KCNIP4: variants seen among roughly 807,000 people sequenced by gnomAD.
KCNIP4 encodes potassium voltage-gated channel interacting protein 4, also known as Kv channel-interacting protein 4.
Under a neutral mutation model 34.0 loss-of-function variants are expected in KCNIP4, and 12 were observed. The ratio of observed to expected loss-of-function variants is 0.35; its 90% CI spans 0.23 to 0.57. KCNIP4 has a LOEUF of 0.57. KCNIP4 is among the 20% of genes least tolerant of loss of function. The pLI is 0.83. For synonymous variants in KCNIP4, 124 were observed against 102.2 expected, an observed-to-expected ratio of 1.21 and a Z score of -1.29; for missense variants, 238 against 311.7, an observed-to-expected ratio of 0.76 and a Z score of 1.78.
intron 1 of KCNIP4, among the ~76,000 whole-genome samples, chr4:21,574,373 A>G (rs549602948): frequency 1.3e-5 from 2 of 152,040 alleles, no homozygotes; most frequent in African/African-American, 4.8e-5. Flanking sequence ...TAGAGATCAA[A>G]GAGAGTGTTC....
At chr4:21,556,930 A>AAAAAAAAAAAAAAAAAACAAAAAAAAAC (rs1553903108) in intron 1 of KCNIP4, among the ~76,000 whole-genome samples, 4 of 108,256 alleles carry the variant, frequency 3.7e-5, no homozygotes, top group Admixed American at 9.3e-5. Context: ...CAGAAAAAAA[A>AAAAAAAAAAAAAAAAAACAAAAAAAAAC]AAAAAAAAAA....
At chr4:21,516,636 G>A (rs150418539) in intron 1 of KCNIP4, among the ~76,000 whole-genome samples, 4 of 152,292 alleles carry the variant, frequency 2.6e-5, no homozygotes, top group Admixed American at 1.3e-4. Flanking sequence ...CCCTCAGCAC[G>A]AGTCAGAAAA....
rs1169691861 is a variant in KCNIP4 at position 20,904,327 on chromosome 4, G to GTA, written c.62-21619_62-21618insTA. Among the ~76,000 whole-genome samples, 15 of 125,068 alleles carry GTA rather than the reference G, an allele frequency of 1.2e-4. No individual in the cohort carries two copies. In the East Asian group the frequency reaches 2.5e-3, roughly 21 times the overall value. The allele number at this position is 125,068 out of a possible 152,430, so 82.0% of individuals were successfully genotyped here. On this transcript the variant is annotated intron_variant, in intron 1 of 8. Coordinates refer to ENST00000382152, the MANE Select transcript of KCNIP4 (RefSeq NM_025221.6). The stretch of plus-strand genomic sequence containing the variant: ...TAAAACTATATATATGTATGTGTGT[G>GTA]TGTGTATATATATATATATATACAG...
At chr4:21,314,966 C>T (rs1713573807) in intron 1 of KCNIP4, among the ~76,000 whole-genome samples, 1 of 152,074 alleles carries the variant, frequency 6.6e-6, no homozygotes, top group Non-Finnish European at 1.5e-5. Flanking sequence ...GCTATGTTTC[C>T]ACTACAGTTA....
intron 1 of KCNIP4, among the ~76,000 whole-genome samples, chr4:21,126,405 C>T (rs1252957710): frequency 4.6e-5 from 7 of 152,026 alleles, no homozygotes; most frequent in Admixed American, 6.5e-5. Flanking sequence ...GTAGTGAGAG[C>T]GACTACAAAT....
At chr4:21,885,035 T>G (rs778683787) in intron 1 of KCNIP4, among the ~76,000 whole-genome samples, 15 of 152,114 alleles carry the variant, frequency 9.9e-5, no homozygotes, top group Non-Finnish European at 1.5e-4. Context: ...TTTAATCCAT[T>G]TACTTCCTTA....
intron 1 of KCNIP4, among the ~76,000 whole-genome samples, chr4:21,209,194 G>A (rs1757057791): frequency 6.6e-6 from 1 of 152,086 alleles, no homozygotes; most frequent in Admixed American, 6.6e-5. Context: ...TACACACCAT[G>A]TATAGTGATC....
intron 1 of KCNIP4, among the ~76,000 whole-genome samples, chr4:21,538,382 G>A (rs111429175): frequency 1.3e-5 from 2 of 152,138 alleles, no homozygotes; most frequent in African/African-American, 2.4e-5. Flanking sequence ...TATGCTCAGC[G>A]TTGAGAATAT....
At chr4:21,095,379 A>T (rs1258904165) in intron 1 of KCNIP4, among the ~76,000 whole-genome samples, 2 of 152,120 alleles carry the variant, frequency 1.3e-5, no homozygotes, top group African/African-American at 2.4e-5. Flanking sequence ...CCTTCTGGAG[A>T]TTCATAAAAC....
At chr4:21,359,776 T>A (rs1719025480) in intron 1 of KCNIP4, among the ~76,000 whole-genome samples, 1 of 152,094 alleles carries the variant, frequency 6.6e-6, no homozygotes, top group African/African-American at 2.4e-5. Context: ...GAAATAGTGT[T>A]CTTGGCAATC....
chr4:21,144,069 T>G (rs1168529498), intron 1 of KCNIP4, among the ~76,000 whole-genome samples: 1 of 152,198 alleles, frequency 6.6e-6, no homozygotes, highest in Admixed American at 6.5e-5. Context: ...TGTACAGCTC[T>G]GTAAGTTGTA....
intron 1 of KCNIP4, among the ~76,000 whole-genome samples, chr4:21,149,115 G>T (rs1752587430): frequency 6.6e-6 from 1 of 152,132 alleles, no homozygotes; most frequent in Non-Finnish European, 1.5e-5. Flanking sequence ...GCAGAAAAAG[G>T]CTAAGAAGAT....
intron 1 of KCNIP4, among the ~76,000 whole-genome samples, chr4:21,808,770 A>C (rs1721451363): frequency 6.6e-6 from 1 of 152,140 alleles, no homozygotes; most frequent in African/African-American, 2.4e-5. Context: ...TCTTTCATGA[A>C]CATGATTCCA....
intron 1 of KCNIP4, among the ~76,000 whole-genome samples, chr4:21,571,764 C>A (rs759720699): frequency 6.6e-6 from 1 of 152,138 alleles, no homozygotes; most frequent in Non-Finnish European, 1.5e-5. Context: ...AGCTTGCAAA[C>A]TCTGATAAAT....
chr4:21,823,510 A>C (rs1316722020), intron 1 of KCNIP4, among the ~76,000 whole-genome samples: 1 of 104,544 alleles, frequency 9.6e-6, no homozygotes, highest in African/African-American at 5.5e-5. Context: ...TTCTGTCTTA[A>C]AAAAAAAAAC....
chr4:21,084,521 G>A (rs976978941), intron 1 of KCNIP4, among the ~76,000 whole-genome samples: 1 of 148,448 alleles, frequency 6.7e-6, no homozygotes, highest in African/African-American at 2.5e-5. Flanking sequence ...GTGCTTCTCA[G>A]TGTGTATCCT....
At chr4:21,643,505 A>T (rs1015741977) in intron 1 of KCNIP4, among the ~76,000 whole-genome samples, 1 of 152,204 alleles carries the variant, frequency 6.6e-6, no homozygotes, top group Non-Finnish European at 1.5e-5. Context: ...TTAATTTTAT[A>T]TGTTAACACG....
rs148139061 is a variant in KCNIP4 at position 20,785,560 on chromosome 4, T to C, written c.289-26670A>G. Among the ~76,000 whole-genome samples, 17 of 152,238 alleles carry C rather than the reference T, an allele frequency of 1.1e-4. No individual in the cohort carries two copies. In the East Asian group the frequency reaches 3.3e-3, roughly 29 times the overall value. On this transcript the variant is annotated intron_variant, in intron 3 of 8. Coordinates refer to ENST00000382152, the MANE Select transcript of KCNIP4 (RefSeq NM_025221.6). ...TTGGAGCTTGTTTATAACACGTACATTGCTCAACATACCCTGGTTCTAAGA... is the reference window on the plus strand; with the variant it reads ...TTGGAGCTTGTTTATAACACGTACACTGCTCAACATACCCTGGTTCTAAGA...
At chr4:21,948,428 T>C in intron 1 of KCNIP4, 143 bp downstream of exon 1, 1 of 876,984 alleles carries the variant, frequency 1.1e-6, no homozygotes, top group South Asian at 1.8e-5. Context: ...CCACCTCCCC[T>C]TCCCAGTCCC....
Sources: gnomAD v4.1 joint callset for allele counts (sites outside exome capture counted in the v4.1 genomes callset) on GRCh38, gnomAD v4.1.1 for gene constraint, MANE v1.5 for transcripts, NCBI Gene and HGNC (gene_info 2026-07-23, HGNC 2026-07-21) for gene names.